Variants in TUBD1 observed in about 807,000 individuals in gnomAD.
TUBD1 encodes tubulin delta chain.
In TUBD1, 38 loss-of-function variants were observed where a neutral mutation model predicts 51.2. That is an observed-to-expected ratio of 0.74 (90% CI 0.57 to 0.97). The LOEUF is 0.97. Among genes scored for constraint, TUBD1 ranks in the 50% least tolerant of loss-of-function variants. The probability of loss-of-function intolerance (pLI) is 0.00; values close to 1 mark genes in which losing one functional copy is unlikely to be tolerated. For synonymous variants in TUBD1, 169 were observed against 178.2 expected, an observed-to-expected ratio of 0.95 and a Z score of 0.41; for missense variants, 489 against 538.4, an observed-to-expected ratio of 0.91 and a Z score of 0.91.
chr17:59,861,229 G>A (rs1296287012), intron 8 of TUBD1, among the ~76,000 whole-genome samples: 2 of 145,404 alleles, frequency 1.4e-5, no homozygotes, highest in Non-Finnish European at 3.0e-5. Context: ...GTTTTGCTCT[G>A]TCTCTGTCAC....
At position 59,874,626 on chromosome 17, in the gene TUBD1, T is replaced by A. The variant is rs747252611; in HGVS notation, c.847A>T (p.Asn283Tyr). ...SVRNIPHMSE[N>Y]SLAYTTFTWA... Reference sequence around the variant, plus strand: ...GTAAATGTGGTGTATGCCAATGAATTCTCAGACATGTGAGGAATGTTACGA... The same window carrying A: ...GTAAATGTGGTGTATGCCAATGAATACTCAGACATGTGAGGAATGTTACGA... The change falls in exon 6 of 9, where the codon AAT becomes TAT. Residue 283 changes from asparagine (N) to tyrosine (Y), a missense_variant. Coordinates refer to ENST00000325752, the MANE Select transcript of TUBD1 (RefSeq NM_016261.4). 1 of 1,613,878 alleles carries A rather than the reference T, an allele frequency of 6.2e-7. No homozygotes were observed.
intron 1 of TUBD1, among the ~76,000 whole-genome samples, chr17:59,892,418 C>A (rs1460242029): frequency 6.6e-6 from 1 of 152,064 alleles, no homozygotes; most frequent in Non-Finnish European, 1.5e-5. Context: ...TAGAGCAGTT[C>A]CTCATTATTT....
intron 3 of TUBD1, chr17:59,884,938 C>T (rs2040650784): frequency 5.2e-6 from 1 of 193,688 alleles, no homozygotes; most frequent in Non-Finnish European, 1.1e-5. Context: ...AAAAAAAACA[C>T]CAAAAACCCA....
At chr17:59,884,063 G>C (rs1422352737) in intron 3 of TUBD1, among the ~76,000 whole-genome samples, 2 of 151,638 alleles carry the variant, frequency 1.3e-5, no homozygotes, top group African/African-American at 4.8e-5. Flanking sequence ...GAGTTTGAGA[G>C]CAGCCTGGCC....
intron 6 of TUBD1, among the ~76,000 whole-genome samples, chr17:59,868,301 A>AG (rs2039808973): frequency 1.3e-5 from 2 of 150,458 alleles, no homozygotes; most frequent in South Asian, 4.2e-4. Flanking sequence ...AAAAAAAAAA[A>AG]AAAGGCATTA....
intron 6 of TUBD1, among the ~76,000 whole-genome samples, chr17:59,867,166 G>GT (rs1002488448): frequency 2.8e-4 from 40 of 145,196 alleles, no homozygotes; most frequent in East Asian, 1.0e-3. Flanking sequence ...TGTATTTTAG[G>GT]TTTTTTTTTT....
In TUBD1 at chr17:59,866,613, A is replaced by G. The variant is rs201099707; in HGVS notation, c.1071T>C (p.Asp357=). The G allele has an allele frequency of 6.2e-7, 1 of 1,614,014 alleles. No individual in the cohort carries two copies. The highest frequency in any genetic ancestry group is 2.2e-5 in the East Asian group (1 of 44,876). ...ATTTTCACCTGAATTTCTTACCCAC[A>G]TCTGCACTTTGCACATCTTTCCCAC... ...ILRGKDVQSA[D]VEGFKDPALY... The change falls in exon 7 of 9, where the codon GAT becomes GAC. Residue 357 remains aspartate (D), a synonymous_variant. Transcript: ENST00000325752.
At chr17:59,872,020 C>T (rs1018697377) in intron 6 of TUBD1, among the ~76,000 whole-genome samples, 2 of 151,906 alleles carry the variant, frequency 1.3e-5, no homozygotes, top group Non-Finnish European at 2.9e-5. Context: ...GGGGTGTGAT[C>T]TCAGCTCGCT....
rs2040462147 is a variant in TUBD1 at position 59,881,034 on chromosome 17, A to G, written c.397T>C (p.Phe133Leu). 6.2e-7 allele frequency: 1 copy of G among 1,613,998 alleles called. No homozygotes were observed. The highest frequency in any genetic ancestry group is 1.1e-5 in the South Asian group (1 of 91,082). ...IRKEVEKCDS[F>L]SGFFIIMSMA... ...CTCATTATGATGAAAAAACCACTGA[A>G]AGAGTCACATTTCTCCACTTCCTTC... Residue 133 changes from phenylalanine to leucine, a missense_variant, in exon 4 of 9, where the codon TTC (phenylalanine) becomes CTC (leucine). Physicochemically the swap from Phe to Leu is conservative, Grantham distance 22. Coordinates refer to ENST00000325752, the MANE Select transcript of TUBD1 (RefSeq NM_016261.4).
chr17:59,885,701 C>T (rs181859477), intron 3 of TUBD1: 12 of 597,386 alleles, frequency 2.0e-5, no homozygotes, highest in Non-Finnish European at 3.2e-5. Flanking sequence ...TCAAAGTGAG[C>T]CCTAGGCATC....
intron 2 of TUBD1, among the ~76,000 whole-genome samples, chr17:59,889,038 C>T (rs1440454043): frequency 7.9e-5 from 7 of 89,082 alleles, no homozygotes; most frequent in East Asian, 4.3e-4. Context: ...TTTTTTGAGA[C>T]GGCATCTCGC....
At chr17:59,891,591 A>C (rs1248021441) in intron 1 of TUBD1, among the ~76,000 whole-genome samples, 2 of 152,200 alleles carry the variant, frequency 1.3e-5, no homozygotes, top group Admixed American at 6.6e-5. Context: ...ACACAGCTCA[A>C]TAGTTTCCAA....
At chr17:59,885,941 T>C in intron 3 of TUBD1, 142 bp downstream of exon 3, 1 of 911,634 alleles carries the variant, frequency 1.1e-6, no homozygotes, top group Non-Finnish European at 1.6e-6. Context: ...AAGTTTCTTC[T>C]GGGTAAAATA....
rs771144616 is a variant in TUBD1 at position 59,886,246 on chromosome 17, A to T, written c.173-16T>A. 18 of 1,599,608 alleles carry T rather than the reference A, an allele frequency of 1.1e-5. 1 individual carries two copies. Among genetic ancestry groups the T allele is most frequent in the Non-Finnish European group, 7.7e-6 (9 of 1,175,294 alleles). On this transcript the variant is annotated splice_polypyrimidine_tract_variant and intron_variant, in intron 2 of 8. Transcript: ENST00000325752. ...GCAATTGGAACTAGAGGGGGAAAAA[A>T]ACCCAAAAACATCGAAAGAAAAAAA...
In TUBD1 at chr17:59,863,690, C is replaced by T; in HGVS notation, c.1233G>A (p.Gly411=). The T allele has an allele frequency of 6.3e-7, 1 of 1,588,892 alleles. No homozygotes were observed. Among genetic ancestry groups the T allele is most frequent in the Non-Finnish European group, 8.5e-7 (1 of 1,172,152 alleles). The change falls in exon 8 of 9, where the codon GGG becomes GGA. Residue 411 remains glycine, a synonymous_variant. Transcript: ENST00000325752. ...FLVKPLDMIV[G]KAWNMFASKA... is the part of the protein sequence containing the mutation. ...TTGAAGCAAACATATTCCATGCCTT[C>T]CCAACAATCATATCAAGTGGTTTTA...
At chr17:59,877,504 G>A (rs1048642892) in intron 5 of TUBD1, among the ~76,000 whole-genome samples, 3 of 152,204 alleles carry the variant, frequency 2.0e-5, no homozygotes, top group Admixed American at 6.5e-5. Flanking sequence ...GGCTAGGGCC[G>A]GGTGCGGTGG....
intron 6 of TUBD1, among the ~76,000 whole-genome samples, chr17:59,873,377 G>T (rs565769359): frequency 1.3e-5 from 2 of 151,908 alleles, no homozygotes; most frequent in Non-Finnish European, 2.9e-5. Flanking sequence ...AGCCTCCTAA[G>T]TTGCTGGGAA....
At chr17:59,878,048 T>G in intron 5 of TUBD1, 55 bp downstream of exon 5, 1 of 1,422,672 alleles carries the variant, frequency 7.0e-7, no homozygotes, top group Non-Finnish European at 9.8e-7. Flanking sequence ...GAATAAACTT[T>G]GAAGCTTTCA....
At chr17:59,873,119 A>G (rs1032326011) in intron 6 of TUBD1, among the ~76,000 whole-genome samples, 1 of 152,166 alleles carries the variant, frequency 6.6e-6, no homozygotes, top group Non-Finnish European at 1.5e-5. Flanking sequence ...TAAGACATTT[A>G]TAACTATGGA....
Sources: gnomAD v4.1 joint callset for allele counts (sites outside exome capture counted in the v4.1 genomes callset) on GRCh38, gnomAD v4.1.1 for gene constraint, MANE v1.5 for transcripts, NCBI Gene and HGNC (gene_info 2026-07-23, HGNC 2026-07-21) for gene names.